WWOX: variants seen among roughly 807,000 people sequenced by gnomAD.
The protein encoded by WWOX is WW domain containing oxidoreductase, also known as WW domain-containing oxidoreductase.
In WWOX, 69 loss-of-function variants were observed where a neutral mutation model predicts 46.2. The ratio of observed to expected loss-of-function variants is 1.49; its 90% confidence interval spans 1.23 to 1.82. WWOX has a LOEUF of 1.82. WWOX is among the 40% of genes most tolerant of loss of function. The pLI is 0.00. For missense variants in WWOX, 919 were observed against 542.6 expected (o/e 1.69, Z -6.89); for synonymous variants, 359 against 202.6 (o/e 1.77, Z -6.56).
At chr16:78,258,826 A>G (rs2038202687) in intron 5 of WWOX, among the ~76,000 whole-genome samples, 2 of 152,102 alleles carry the variant, frequency 1.3e-5, no homozygotes, top group South Asian at 4.2e-4. Flanking sequence ...GGTAAAAGAA[A>G]CATTTATGGA....
intron 8 of WWOX, among the ~76,000 whole-genome samples, chr16:78,748,592 A>G (rs1276350574): frequency 6.6e-6 from 1 of 152,310 alleles, no homozygotes; most frequent in East Asian, 1.9e-4. Context: ...TCCGTGATCA[A>G]CATGCCCTAA....
chr16:78,862,707 C>T (rs1407412791), intron 8 of WWOX, among the ~76,000 whole-genome samples: 5 of 152,044 alleles, frequency 3.3e-5, no homozygotes, highest in Non-Finnish European at 7.4e-5. Flanking sequence ...GATGTCTCAG[C>T]TTGAAGTCAG....
intron 8 of WWOX, among the ~76,000 whole-genome samples, chr16:79,037,923 G>A (rs143025189): frequency 5.3e-4 from 80 of 152,154 alleles, no homozygotes; most frequent in African/African-American, 1.8e-3. Flanking sequence ...TTCCATCCGA[G>A]AAAAGCACTC....
chr16:78,644,462 AT>A (rs945102306), intron 8 of WWOX, among the ~76,000 whole-genome samples: 14 of 147,642 alleles, frequency 9.5e-5, no homozygotes, highest in African/African-American at 2.7e-4. Context: ...CTGGGCCCTT[AT>A]TTTTTTTTTC....
intron 8 of WWOX, among the ~76,000 whole-genome samples, chr16:79,061,121 C>T (rs1197735705): frequency 1.3e-5 from 2 of 152,176 alleles, no homozygotes; most frequent in African/African-American, 4.8e-5. Flanking sequence ...GGCCATGGTG[C>T]TCACAGTCTC....
chr16:78,139,141 G>C (rs555102884), intron 4 of WWOX, among the ~76,000 whole-genome samples: 1 of 152,294 alleles, frequency 6.6e-6, no homozygotes, highest in Non-Finnish European at 1.5e-5. Flanking sequence ...AAGGAAGAGT[G>C]AATGGCTGGT....
chr16:79,126,165 G>A (rs894321130), intron 8 of WWOX, among the ~76,000 whole-genome samples: 3 of 152,130 alleles, frequency 2.0e-5, no homozygotes, highest in African/African-American at 7.2e-5. Flanking sequence ...TCTGGATGAT[G>A]TGATGGGGAA....
chr16:78,123,734 G>A (rs1450902178), intron 4 of WWOX: 1 of 125,246 alleles, frequency 8.0e-6, no homozygotes, highest in Non-Finnish European at 1.7e-5. Context: ...GCGATTACAG[G>A]CGTGAGCTAC....
intron 5 of WWOX, among the ~76,000 whole-genome samples, chr16:78,365,202 C>T (rs1274235820): frequency 1.3e-5 from 2 of 152,194 alleles, no homozygotes; most frequent in African/African-American, 2.4e-5. Flanking sequence ...AGTTTAGTGC[C>T]TGCCAAGAGT....
At chr16:78,776,673 A>G (rs1219297519) in intron 8 of WWOX, among the ~76,000 whole-genome samples, 2 of 152,134 alleles carry the variant, frequency 1.3e-5, no homozygotes, top group African/African-American at 4.8e-5. Flanking sequence ...TATAAAGAAA[A>G]GAGGTTTAAT....
In WWOX at chr16:79,191,690, A is replaced by G. The variant is rs1464806128; in HGVS notation, c.1057-19918A>G. On this transcript the variant is annotated intron_variant, in intron 8 of 8. Transcript: ENST00000566780. The stretch of plus-strand genomic sequence containing the variant: ...AGAGAAGCACCAAATAGGCCATGAT[A>G]AAGAATAAATACCACCTACCCCAAC... 3.9e-5 allele frequency among the ~76,000 whole-genome samples: 6 copies of G among 152,336 alleles called. No individual in the cohort carries two copies. The East Asian group carries it at 1.2e-3, about 29-fold the overall frequency.
chr16:78,633,280 A>AC (rs2046484363), intron 8 of WWOX, among the ~76,000 whole-genome samples: 2 of 152,174 alleles, frequency 1.3e-5, no homozygotes, highest in African/African-American at 4.8e-5. Context: ...ACAAAACAAA[A>AC]AAACAAGAAG....
intron 8 of WWOX, among the ~76,000 whole-genome samples, chr16:79,020,961 C>G (rs2047520911): frequency 2.0e-5 from 3 of 152,044 alleles, no homozygotes. Context: ...TTCTTGACAT[C>G]AAATTGTGGG....
intron 5 of WWOX, among the ~76,000 whole-genome samples, chr16:78,203,558 G>A (rs2036298526): frequency 6.6e-6 from 1 of 152,120 alleles, no homozygotes; most frequent in African/African-American, 2.4e-5. Flanking sequence ...ATATAATTAG[G>A]CAAACTTGTT....
At chr16:78,587,288 CTCCCACAGTAT>C (rs1345816394) in intron 8 of WWOX, among the ~76,000 whole-genome samples, 7 of 150,826 alleles carry the variant, frequency 4.6e-5, no homozygotes, top group Non-Finnish European at 7.4e-5. Flanking sequence ...CCATCTTGGC[CTCCCACAGTAT>C]TGGGATTACA....
At chr16:78,356,975 A>G (rs2151910562) in intron 5 of WWOX, among the ~76,000 whole-genome samples, 1 of 152,280 alleles carries the variant, frequency 6.6e-6, no homozygotes, top group South Asian at 2.1e-4. Context: ...AATGATGCCT[A>G]CCTTTTTATG....
intron 8 of WWOX, among the ~76,000 whole-genome samples, chr16:78,572,898 A>G (rs2044753968): frequency 6.6e-6 from 1 of 152,150 alleles, no homozygotes; most frequent in Admixed American, 6.5e-5. Context: ...GTCATTCTAT[A>G]TGTTATTAAA....
At chr16:78,361,554 A>T (rs1312224497) in intron 5 of WWOX, among the ~76,000 whole-genome samples, 1 of 152,082 alleles carries the variant, frequency 6.6e-6, no homozygotes, top group Non-Finnish European at 1.5e-5. Flanking sequence ...CTCTTTTTAT[A>T]GTCAGTAATT....
At chr16:79,071,494 A>C (rs537390256) in intron 8 of WWOX, among the ~76,000 whole-genome samples, 1 of 152,174 alleles carries the variant, frequency 6.6e-6, no homozygotes, top group African/African-American at 2.4e-5. Context: ...TTTTCTCTCT[A>C]GTTTGAAAAC....
Sources: gnomAD v4.1 joint callset for allele counts (sites outside exome capture counted in the v4.1 genomes callset) on GRCh38, gnomAD v4.1.1 for gene constraint, MANE v1.5 for transcripts, NCBI Gene and HGNC (gene_info 2026-07-23, HGNC 2026-07-21) for gene names.